The following ANO10 variants were observed in gnomAD, a reference collection of about 807,000 sequenced individuals.
The protein encoded by ANO10 is anoctamin-10.
In ANO10, 77 loss-of-function variants were observed where a neutral mutation model predicts 74.7. The ratio of observed to expected loss-of-function variants is 1.03; its 90% confidence interval spans 0.86 to 1.25. ANO10 has a LOEUF of 1.25. ANO10 is among the 50% of genes most tolerant of loss of function. ANO10 has a pLI of 0.00. For missense variants in ANO10, 721 were observed against 778.1 expected, an observed-to-expected ratio of 0.93 and a Z score of 0.87; for synonymous variants, 279 against 284.9, an observed-to-expected ratio of 0.98 and a Z score of 0.21.
intron 11 of ANO10, among the ~76,000 whole-genome samples, chr3:43,433,524 T>C (rs1358189364): frequency 2.6e-5 from 4 of 152,314 alleles, no homozygotes; most frequent in Admixed American, 2.6e-4. Flanking sequence ...TATGATGTGA[T>C]AATAAATAAA....
intron 11 of ANO10, among the ~76,000 whole-genome samples, chr3:43,549,023 G>A (rs953452066): frequency 1.7e-4 from 26 of 152,196 alleles, no homozygotes; most frequent in African/African-American, 6.3e-4. Flanking sequence ...GTGTTTTTAG[G>A]ATTTGCTTAA....
At chr3:43,528,032 T>C (rs753396280) in intron 11 of ANO10, among the ~76,000 whole-genome samples, 10 of 151,804 alleles carry the variant, frequency 6.6e-5, no homozygotes, top group Non-Finnish European at 1.3e-4. Context: ...ACAAGAACAA[T>C]ACTCACACCT....
intron 1 of ANO10, among the ~76,000 whole-genome samples, chr3:43,687,651 G>T (rs191562498): frequency 4.6e-5 from 7 of 152,174 alleles, no homozygotes; most frequent in African/African-American, 1.7e-4. Context: ...AGGTACTGGC[G>T]ATCTCCAAAT....
At chr3:43,612,953 A>G (rs991273018) in intron 1 of ANO10, among the ~76,000 whole-genome samples, 2 of 152,196 alleles carry the variant, frequency 1.3e-5, no homozygotes, top group Non-Finnish European at 2.9e-5. Flanking sequence ...AGATCACCTG[A>G]GGTCAGGAGT....
chr3:43,404,011 T>A (rs746167374), intron 12 of ANO10, among the ~76,000 whole-genome samples: 12 of 152,152 alleles, frequency 7.9e-5, no homozygotes, highest in Non-Finnish European at 1.3e-4. Flanking sequence ...GGATGGTCAC[T>A]CCCACAGTAG....
At chr3:43,550,398 C>G (rs534203361) in intron 10 of ANO10, among the ~76,000 whole-genome samples, 2 of 152,308 alleles carry the variant, frequency 1.3e-5, no homozygotes, top group Non-Finnish European at 2.9e-5. Flanking sequence ...CTGAGACCTA[C>G]TAGACAAACT....
chr3:43,470,932 A>T (rs1297732562), intron 11 of ANO10, among the ~76,000 whole-genome samples: 1 of 152,150 alleles, frequency 6.6e-6, no homozygotes, highest in Admixed American at 6.6e-5. Flanking sequence ...TGGCCAATAT[A>T]TGGTAATTCT....
chr3:43,572,012 A>C (rs2080754993), intron 7 of ANO10, among the ~76,000 whole-genome samples: 2 of 152,140 alleles, frequency 1.3e-5, no homozygotes, highest in Admixed American at 6.5e-5. Context: ...AAGGTGCTTA[A>C]AGGAAGACGA....
chr3:43,661,548 C>T (rs2083926627), intron 1 of ANO10, among the ~76,000 whole-genome samples: 1 of 152,174 alleles, frequency 6.6e-6, no homozygotes, highest in South Asian at 2.1e-4. Flanking sequence ...CAATTTCACA[C>T]ATAACAATAT....
Position 43,583,107 on chromosome 3 carries a change from A to T in ANO10, c.473-2635T>A, listed in dbSNP as rs185691601. Among the ~76,000 whole-genome samples the T allele has an allele frequency of 4.6e-3, 696 of 152,326 alleles. 4 individuals carry two copies. Among genetic ancestry groups the T allele is most frequent in the Non-Finnish European group, 7.7e-3 (524 of 68,036 alleles). ...CAGGCAGGCATAAAAACCAGTTTCT[A>T]AAAATAGGACTGTGAACTGAAGACT... On this transcript the variant is annotated intron_variant, in intron 4 of 12. Transcript: ENST00000292246.
chr3:43,494,191 C>A (rs559174382), intron 11 of ANO10, among the ~76,000 whole-genome samples: 1 of 152,154 alleles, frequency 6.6e-6, no homozygotes, highest in Non-Finnish European at 1.5e-5. Context: ...TGGTGGCTCA[C>A]GCCTGTAATC....
chr3:43,595,010 T>C (rs2149463434), intron 4 of ANO10, among the ~76,000 whole-genome samples: 2 of 152,280 alleles, frequency 1.3e-5, no homozygotes, highest in South Asian at 4.1e-4. Context: ...CTAGAAAATC[T>C]AGAAGAAATG....
rs535597305 is a variant in ANO10, at chr3:43,445,012, A to G, written c.1798-12285T>C. On this transcript the variant is annotated intron_variant, in intron 11 of 12. Transcript: ENST00000292246. ...GTGACAGGTGCCTATAGTCCCAGCT[A>G]CTCCGTGGGCTGAGGCAGGAAAATG... Among the ~76,000 whole-genome samples, 5 of 150,686 alleles carry G rather than the reference A, an allele frequency of 3.3e-5. No homozygotes were observed. In the East Asian group the frequency reaches 9.8e-4, roughly 29 times the overall value.
intron 11 of ANO10, among the ~76,000 whole-genome samples, chr3:43,533,026 T>TCC (rs897990350): frequency 2.2e-4 from 34 of 152,076 alleles, no homozygotes; most frequent in African/African-American, 8.0e-4. Flanking sequence ...CAATAATACC[T>TCC]CCCCTTGCTT....
chr3:43,393,398 C>T (rs149915921), intron 12 of ANO10, among the ~76,000 whole-genome samples: 1 of 152,258 alleles, frequency 6.6e-6, no homozygotes, highest in East Asian at 1.9e-4. Flanking sequence ...CACATAAATC[C>T]ATCACAGAAA....
chr3:43,425,785 C>T (rs990057332), intron 12 of ANO10, among the ~76,000 whole-genome samples: 7 of 152,074 alleles, frequency 4.6e-5, no homozygotes, highest in African/African-American at 1.5e-4. Flanking sequence ...ATTTCTTTGA[C>T]GTATTTTGAA....
chr3:43,584,289 G>A (rs1483122721), intron 4 of ANO10, among the ~76,000 whole-genome samples: 1 of 152,150 alleles, frequency 6.6e-6, no homozygotes, highest in Non-Finnish European at 1.5e-5. Context: ...ATAGCCCAAG[G>A]TAAACATCCA....
intron 1 of ANO10, among the ~76,000 whole-genome samples, chr3:43,663,075 C>G (rs2083945269): frequency 6.6e-6 from 1 of 152,016 alleles, no homozygotes; most frequent in Admixed American, 6.5e-5. Context: ...GAAAGCCTGG[C>G]AGAGACACAA....
At chr3:43,397,907 T>C (rs562813477) in intron 12 of ANO10, among the ~76,000 whole-genome samples, 53 of 152,336 alleles carry the variant, frequency 3.5e-4, no homozygotes, top group Admixed American at 7.2e-4. Context: ...TGGAAAAACA[T>C]TGATTCACGT....
Sources: allele counts gnomAD v4.1 joint callset (sites outside exome capture counted in the v4.1 genomes callset), GRCh38; gene constraint gnomAD v4.1.1; transcripts MANE v1.5; gene names NCBI Gene and HGNC (gene_info 2026-07-23, HGNC 2026-07-21).